Variants in LTBP1 observed in about 807,000 individuals in gnomAD.
The protein encoded by LTBP1 is latent-transforming growth factor beta-binding protein 1.
Under a neutral mutation model 207.6 loss-of-function variants are expected in LTBP1, and 129 were observed. The ratio of observed to expected loss-of-function variants is 0.62; its 90% confidence interval spans 0.54 to 0.72. The LOEUF (loss-of-function observed/expected upper bound fraction) is 0.72, where lower values mean the gene tolerates loss of function less well. Ranked by LOEUF, LTBP1 falls within the 30% of genes least tolerant of loss-of-function variation. The probability of loss-of-function intolerance (pLI) is 0.00; values close to 1 mark genes in which losing one functional copy is unlikely to be tolerated. For synonymous variants in LTBP1, 963 were observed against 833.7 expected, an observed-to-expected ratio of 1.16 and a Z score of -2.67; for missense variants, 2,281 against 2,217.2, an observed-to-expected ratio of 1.03 and a Z score of -0.58.
chr2:33,075,254 A>C (rs774479618), intron 3 of LTBP1, among the ~76,000 whole-genome samples: 24 of 152,192 alleles, frequency 1.6e-4, no homozygotes, highest in Admixed American at 2.6e-4. Flanking sequence ...ATTAGCTTTG[A>C]TTCAAATATT....
intron 25 of LTBP1, among the ~76,000 whole-genome samples, chr2:33,343,225 G>C (rs1442188769): frequency 6.6e-6 from 1 of 151,668 alleles, no homozygotes; most frequent in Non-Finnish European, 1.5e-5. Flanking sequence ...AGCATGGTGA[G>C]ATCTTTTCTC....
chr2:32,963,324 C>T (rs1482729627), intron 2 of LTBP1, among the ~76,000 whole-genome samples: 1 of 152,036 alleles, frequency 6.6e-6, no homozygotes, highest in Non-Finnish European at 1.5e-5. Flanking sequence ...CGTGCCTCAG[C>T]CCCCCGAGTA....
At chr2:33,117,499 T>C (rs1472326935) in intron 4 of LTBP1, among the ~76,000 whole-genome samples, 1 of 152,192 alleles carries the variant, frequency 6.6e-6, no homozygotes, top group Non-Finnish European at 1.5e-5. Context: ...CTGGTTGCCC[T>C]GAGTGAGAGA....
chr2:33,340,611 T>C (rs913536918), intron 24 of LTBP1, among the ~76,000 whole-genome samples: 3 of 152,162 alleles, frequency 2.0e-5, no homozygotes, highest in Non-Finnish European at 4.4e-5. Flanking sequence ...CTGGTGCTTT[T>C]TCTCATAGGA....
At chr2:33,097,367 C>G (rs2079454811) in intron 3 of LTBP1, among the ~76,000 whole-genome samples, 1 of 152,112 alleles carries the variant, frequency 6.6e-6, no homozygotes, top group African/African-American at 2.4e-5. Flanking sequence ...GTATTTTTCT[C>G]TTGTATCCCA....
chr2:33,266,376 C>T (rs1241550167), intron 15 of LTBP1, among the ~76,000 whole-genome samples: 1 of 152,114 alleles, frequency 6.6e-6, no homozygotes, highest in Non-Finnish European at 1.5e-5. Context: ...GTGTGGACAA[C>T]ATGTTGATGG....
intron 19 of LTBP1, among the ~76,000 whole-genome samples, chr2:33,285,610 G>T (rs539158554): frequency 1.3e-5 from 2 of 151,314 alleles, no homozygotes; most frequent in African/African-American, 4.9e-5. Context: ...CATTATGCCC[G>T]GCTAATTTTT....
At chr2:33,257,188 G>C (rs1049559416) in intron 11 of LTBP1, 96 bp from the exon 12 acceptor site, 1 of 870,060 alleles carries the variant, frequency 1.1e-6, no homozygotes. Context: ...CTACATTAGT[G>C]ATGATTTATT....
At chr2:33,176,104 A>G (rs1379003273) in intron 5 of LTBP1, among the ~76,000 whole-genome samples, 1 of 151,916 alleles carries the variant, frequency 6.6e-6, no homozygotes, top group African/African-American at 2.4e-5. Context: ...ATGTATACAT[A>G]CGTAACTAAC....
At chr2:33,221,810 T>C (rs1180595083) in intron 8 of LTBP1, among the ~76,000 whole-genome samples, 1 of 152,188 alleles carries the variant, frequency 6.6e-6, no homozygotes, top group Non-Finnish European at 1.5e-5. Flanking sequence ...TAATCACTAA[T>C]TAGAAGAAAA....
At chr2:33,069,789 A>T (rs2077696383) in intron 3 of LTBP1, among the ~76,000 whole-genome samples, 3 of 152,240 alleles carry the variant, frequency 2.0e-5, no homozygotes, top group Admixed American at 6.5e-5. Context: ...ATTTTGTGCA[A>T]TATTAATTTC....
In LTBP1 at chr2:33,365,481, C is replaced by T. The variant is rs756129990; in HGVS notation, c.4689C>T (p.Ala1563=). ...GAGAGGCCTGGGGCATGCAGTGTGC[C>T]CTCTGCCCCCTGAAGGATTCAGGTG... ...LYGEAWGMQC[A]LCPLKDSDDY... The change falls in exon 31 of 34, where the codon GCC becomes GCT. Residue 1563 remains alanine (A), a synonymous_variant. Coordinates refer to ENST00000404816, the MANE Select transcript of LTBP1 (RefSeq NM_206943.4). The T allele has an allele frequency of 1.1e-5, 18 of 1,613,830 alleles. No individual in the cohort carries two copies. In the African/African-American group the frequency reaches 1.7e-4, roughly 16 times the overall value.
At chr2:33,315,091 T>C in intron 23 of LTBP1, 53 bp from the exon 24 acceptor site, 2 of 1,473,056 alleles carry the variant, frequency 1.4e-6, no homozygotes, top group Non-Finnish European at 1.8e-6. Context: ...TGATAGTATA[T>C]GGGAATGAAA....
intron 13 of LTBP1, 146 bp downstream of exon 13, chr2:33,259,756 C>A: frequency 4.7e-6 from 3 of 632,004 alleles, no homozygotes; most frequent in Non-Finnish European, 7.4e-6. Context: ...TTCAGTTATT[C>A]CAAAAAAATT....
At chr2:33,306,421 T>G (rs2149097425) in intron 22 of LTBP1, among the ~76,000 whole-genome samples, 1 of 151,860 alleles carries the variant, frequency 6.6e-6, no homozygotes, top group African/African-American at 2.4e-5. Flanking sequence ...AATACAAAAA[T>G]TAGCCGGCCG....
intron 9 of LTBP1, among the ~76,000 whole-genome samples, 160 bp from the exon 10 acceptor site, chr2:33,243,502 A>G (rs192877089): frequency 2.1e-4 from 32 of 152,346 alleles, no homozygotes; most frequent in African/African-American, 6.7e-4. Flanking sequence ...TAAATGTTCA[A>G]TAAACATTAA....
chr2:33,266,940 G>A lies in LTBP1; in HGVS notation c.2617+3548G>A, dbSNP rs541395058. 3.2e-4 allele frequency among the ~76,000 whole-genome samples: 49 copies of A among 152,338 alleles called. No homozygotes were observed. In the East Asian group the frequency reaches 9.1e-3, roughly 28 times the overall value. On this transcript the variant is annotated intron_variant, in intron 15 of 33. Coordinates refer to ENST00000404816, the MANE Select transcript of LTBP1 (RefSeq NM_206943.4). ...TCACCATGTTGAGGGTGCCGAGAAG[G>A]GAAGAAGAGCTGTGGCCCTTTGGGG...
chr2:33,159,760 C>T (rs964120170), intron 5 of LTBP1, among the ~76,000 whole-genome samples: 1 of 152,192 alleles, frequency 6.6e-6, no homozygotes, highest in African/African-American at 2.4e-5. Flanking sequence ...CACTGAGTAC[C>T]TTCTGTGTAC....
chr2:33,098,502 G>A (rs1303939921), intron 3 of LTBP1, among the ~76,000 whole-genome samples: 1 of 152,036 alleles, frequency 6.6e-6, no homozygotes, highest in East Asian at 1.9e-4. Flanking sequence ...GTGCGATCTC[G>A]GCTCACTGCA....
Sources: gnomAD v4.1 joint callset for allele counts (sites outside exome capture counted in the v4.1 genomes callset) on GRCh38, gnomAD v4.1.1 for gene constraint, MANE v1.5 for transcripts, NCBI Gene and HGNC (gene_info 2026-07-23, HGNC 2026-07-21) for gene names.